GRAMD4: variants seen among roughly 807,000 people sequenced by gnomAD.
GRAMD4 encodes the protein GRAM domain-containing protein 4.
GRAMD4 carries 25 observed loss-of-function variants against 83.9 expected under a neutral mutation model. The observed-to-expected ratio is 0.30, with a 90% CI of 0.22 to 0.42. The LOEUF is 0.42. Among genes scored for constraint, GRAMD4 ranks in the 10% least tolerant of loss-of-function variants. The pLI, the probability that GRAMD4 is intolerant of heterozygous loss-of-function variation, is 1.00. For synonymous variants in GRAMD4, 336 were observed against 320.9 expected, an observed-to-expected ratio of 1.05 and a Z score of -0.50; for missense variants, 593 against 788.7, an observed-to-expected ratio of 0.75 and a Z score of 2.97.
chr22:46,663,591 A>G (rs1156667204), intron 6 of GRAMD4, among the ~76,000 whole-genome samples: 1 of 152,178 alleles, frequency 6.6e-6, no homozygotes, highest in Non-Finnish European at 1.5e-5. Flanking sequence ...CACAGGCAGG[A>G]GATGAGGGGA....
Position 46,679,526 on chromosome 22 carries a change from G to A in GRAMD4, c.*2275G>A. The A allele has an allele frequency of 1.0e-6, 1 of 985,062 alleles. No homozygotes were observed. The highest frequency in any genetic ancestry group is 4.7e-5 in the South Asian group (1 of 21,286). The allele number at this position is 985,062 out of a possible 1,614,324, so 61.0% of individuals were successfully genotyped here. A position where few individuals can be genotyped will look rare whatever the true frequency, so the allele number is the denominator to read the frequency against. ...GTTTTTACCAAATTGTGTACATCTG[G>A]GCAGATGTTTAATTTCTGTGACTAA... On this transcript the variant is annotated 3_prime_UTR_variant, in exon 19 of 19. Coordinates refer to ENST00000406902, the MANE Select transcript of GRAMD4 (RefSeq NM_015124.5).
At chr22:46,658,339 G>T (rs2082275211) in intron 4 of GRAMD4, 32 bp downstream of exon 4, 1 of 1,557,412 alleles carries the variant, frequency 6.4e-7, no homozygotes, top group Non-Finnish European at 8.7e-7. Context: ...CCTGGCCTGT[G>T]TGCGGCTGCC....
chr22:46,677,325 T>C lies in GRAMD4; in HGVS notation c.*74T>C. On this transcript the variant is annotated 3_prime_UTR_variant, in exon 19 of 19. Coordinates refer to ENST00000406902, the MANE Select transcript of GRAMD4 (RefSeq NM_015124.5). ...TTCTTTTTTTTTTTTTACGATTTGGTAGTGGAAACAATTGGACATCCTCAT... is the reference window on the plus strand; with the variant it reads ...TTCTTTTTTTTTTTTTACGATTTGGCAGTGGAAACAATTGGACATCCTCAT... 1 of 1,502,846 alleles carries C rather than the reference T, an allele frequency of 6.7e-7. No individual in the cohort carries two copies. The highest frequency in any genetic ancestry group is 8.9e-7 in the Non-Finnish European group (1 of 1,129,698). 93.1% of individuals were successfully genotyped at this position (1,502,846 alleles called of 1,614,324 possible).
chr22:46,668,027 C>G, intron 10 of GRAMD4, 69 bp from the exon 11 acceptor site: 2 of 1,130,336 alleles, frequency 1.8e-6, no homozygotes, highest in South Asian at 1.3e-5. Flanking sequence ...GGGCTCCACA[C>G]TGTTTTGTCA....
chr22:46,614,843 T>A lies in GRAMD4; in HGVS notation c.-49-11908T>A, dbSNP rs373372975. Among the ~76,000 whole-genome samples the A allele has an allele frequency of 5.0e-4, 9 of 17,912 alleles. No individual in the cohort carries two copies. The South Asian group carries it at 0.016, about 32-fold the overall frequency. 11.8% of individuals were successfully genotyped at this position (17,912 alleles called of 152,430 possible). On this transcript the variant is annotated intron_variant, in intron 1 of 1. Transcript: ENST00000431155. The stretch of plus-strand genomic sequence containing the variant: ...CTGTGCTTTATAGGTTCTCCTGTGC[T>A]TGTAGCTTCCCCTGTGCATGTAGGT...
chr22:46,577,306 G>C (rs965359697), intron 1 of GRAMD4: 92 of 979,864 alleles, frequency 9.4e-5, no homozygotes, highest in Non-Finnish European at 1.0e-4. Context: ...CGGCGCGCGC[G>C]GACACCCACC....
At chr22:46,634,890 C>A (rs1424013565) in intron 2 of GRAMD4, among the ~76,000 whole-genome samples, 1 of 151,910 alleles carries the variant, frequency 6.6e-6, no homozygotes, top group Non-Finnish European at 1.5e-5. Context: ...TTGCAGTGAT[C>A]CGAGATCATG....
chr22:46,603,238 C>T lies in GRAMD4; in HGVS notation c.-49-23513C>T, dbSNP rs9627516. ...TTTTTTTTTTTTTGAGACGGAGTCT[C>T]GCTGTGTTGCCCAGGCTGGATTGCA... On this transcript the variant is annotated intron_variant, in intron 1 of 1. Transcript: ENST00000431155. 7.9e-3 allele frequency among the ~76,000 whole-genome samples: 914 copies of T among 115,316 alleles called. 14 individuals are homozygous for T. Among genetic ancestry groups the T allele is most frequent in the African/African-American group, 0.03 (874 of 29,254 alleles). The allele number at this position is 115,316 out of a possible 152,430, so 75.7% of individuals were successfully genotyped here.
At chr22:46,626,673 C>T (rs2081665444) in intron 1 of GRAMD4, 78 bp from the exon 2 acceptor site, 4 of 870,646 alleles carry the variant, frequency 4.6e-6, no homozygotes, top group Admixed American at 2.2e-5. Flanking sequence ...GCTGGACCGG[C>T]TGTGCCCTGT....
chr22:46,645,303 G>A (rs917948141), intron 3 of GRAMD4, among the ~76,000 whole-genome samples: 3 of 152,158 alleles, frequency 2.0e-5, no homozygotes, highest in African/African-American at 7.2e-5. Flanking sequence ...GATATAGAAT[G>A]TGAGAGAGGA....
chr22:46,593,508 G>T (rs1286772096), intron 1 of GRAMD4, among the ~76,000 whole-genome samples: 1 of 152,160 alleles, frequency 6.6e-6, no homozygotes, highest in Non-Finnish European at 1.5e-5. Context: ...GTCCCATGGC[G>T]GGCGGGCAGA....
At position 46,679,613 on chromosome 22, in the gene GRAMD4, T is replaced by C. The variant is rs898999963; in HGVS notation, c.*2362T>C. On this transcript the variant is annotated 3_prime_UTR_variant, in exon 19 of 19. Transcript: ENST00000406902. Reference sequence around the variant, plus strand: ...GAAGCCTGAGTCTATTTTGGATCTGTAAATAATCATTGCCAGTGTGACTTT... The same window carrying C: ...GAAGCCTGAGTCTATTTTGGATCTGCAAATAATCATTGCCAGTGTGACTTT... 4 of 982,790 alleles carry C rather than the reference T, an allele frequency of 4.1e-6. No homozygotes were observed. The African/African-American group carries it at 5.2e-5, about 13-fold the overall frequency. 60.9% of individuals were successfully genotyped at this position (982,790 alleles called of 1,614,324 possible).
chr22:46,663,662 C>T (rs1419729039), intron 6 of GRAMD4, among the ~76,000 whole-genome samples, 176 bp from the exon 7 acceptor site: 1 of 152,204 alleles, frequency 6.6e-6, no homozygotes, highest in Non-Finnish European at 1.5e-5. Context: ...GAGGGCCATC[C>T]CGGCGCACCC....
chr22:46,614,404 G>T (rs750574040), intron 1 of GRAMD4, among the ~76,000 whole-genome samples: 2 of 152,226 alleles, frequency 1.3e-5, no homozygotes, highest in Admixed American at 1.3e-4. Context: ...CGTTCATTAC[G>T]AATGGCGTAA....
upstream of GRAMD4, among the ~76,000 whole-genome samples, chr22:46,576,883 G>A (rs1295239289): frequency 2.7e-5 from 4 of 146,508 alleles, no homozygotes; most frequent in Non-Finnish European, 4.6e-5. Flanking sequence ...GGGTGCGAGC[G>A]GCGGGGGCGC....
rs529998135 is a variant in GRAMD4, at chr22:46,679,381, G to C, written c.*2130G>C. 2 of 985,292 alleles carry C rather than the reference G, an allele frequency of 2.0e-6. No homozygotes were observed. The highest frequency in any genetic ancestry group is 1.7e-5 in the African/African-American group (1 of 57,334). The allele number at this position is 985,292 out of a possible 1,614,324, so 61.0% of individuals were successfully genotyped here. A position where few individuals can be genotyped will look rare whatever the true frequency, so the allele number is the denominator to read the frequency against. Reference sequence around the variant, plus strand: ...CCAGGGAGGGCCACATTCGGGGAGCGGGGGGTCGGGGGAGGGCCACCGACT... The same window carrying C: ...CCAGGGAGGGCCACATTCGGGGAGCCGGGGGTCGGGGGAGGGCCACCGACT... On this transcript the variant is annotated 3_prime_UTR_variant, in exon 19 of 19. Transcript: ENST00000406902.
At chr22:46,647,540 T>A (rs768295426) in intron 3 of GRAMD4, among the ~76,000 whole-genome samples, 8 of 152,186 alleles carry the variant, frequency 5.3e-5, no homozygotes, top group Non-Finnish European at 1.2e-4. Flanking sequence ...GGGGCTGGGA[T>A]GAAGTCAGAG....
intron 1 of GRAMD4, among the ~76,000 whole-genome samples, chr22:46,584,625 G>A (rs200755419): frequency 8.5e-5 from 13 of 152,136 alleles, no homozygotes; most frequent in Non-Finnish European, 1.8e-4. Context: ...AGCAGTTCCC[G>A]ATCCCTTGGC....
At chr22:46,677,087 C>G in intron 18 of GRAMD4, 60 bp from the exon 19 acceptor site, 2 of 1,602,774 alleles carry the variant, frequency 1.2e-6, no homozygotes, top group Non-Finnish European at 1.7e-6. Context: ...TCGTCTCGGT[C>G]CTGGTCCTGG....
Sources: allele counts gnomAD v4.1 joint callset (sites outside exome capture counted in the v4.1 genomes callset), GRCh38; gene constraint gnomAD v4.1.1; transcripts MANE v1.5; gene names NCBI Gene and HGNC (gene_info 2026-07-23, HGNC 2026-07-21).